SLIRP: variants seen among roughly 807,000 people sequenced by gnomAD.
SLIRP encodes the protein SRA stem-loop interacting RNA binding protein.
In SLIRP, 12 loss-of-function variants were observed where a neutral mutation model predicts 13.4. The observed-to-expected ratio is 0.89, with a 90% CI of 0.57 to 1.45. The LOEUF (loss-of-function observed/expected upper bound fraction) is 1.45, where lower values mean the gene tolerates loss of function less well. SLIRP is among the 40% of genes most tolerant of loss of function. SLIRP has a pLI of 0.00. For synonymous variants in SLIRP, 55 were observed against 47.1 expected, an observed-to-expected ratio of 1.17 and a Z score of -0.69; for missense variants, 154 against 132.2, an observed-to-expected ratio of 1.17 and a Z score of -0.81.
intron 1 of SLIRP, among the ~76,000 whole-genome samples, chr14:77,709,497 A>G (rs1490189159): frequency 1.3e-5 from 2 of 152,242 alleles, no homozygotes; most frequent in Non-Finnish European, 2.9e-5. Flanking sequence ...TTGCGGATGC[A>G]AGTTTCCAGA....
chr14:77,711,480 A>G (rs889716719), intron 2 of SLIRP, among the ~76,000 whole-genome samples: 5 of 151,958 alleles, frequency 3.3e-5, no homozygotes, highest in African/African-American at 1.2e-4. Context: ...ATGTGCCACC[A>G]TGCCCAGCTA....
intron 2 of SLIRP, among the ~76,000 whole-genome samples, chr14:77,715,176 T>A (rs1462261627): frequency 6.6e-6 from 1 of 152,056 alleles, no homozygotes; most frequent in Non-Finnish European, 1.5e-5. Context: ...TGATCAAAAT[T>A]TCCCTTAGCT....
At chr14:77,710,744 T>A (rs547968637) in intron 1 of SLIRP, 94 bp from the exon 2 acceptor site, 1 of 1,583,126 alleles carries the variant, frequency 6.3e-7, no homozygotes. Flanking sequence ...GTAGTTCCTG[T>A]CCACAAGAAA....
intron 2 of SLIRP, chr14:77,711,947 A>G (rs1273776226): frequency 6.6e-6 from 1 of 152,562 alleles, no homozygotes; most frequent in Non-Finnish European, 1.5e-5. Flanking sequence ...GGCCTCCCAA[A>G]GTGCTGGGAT....
At chr14:77,710,999 T>G (rs2080435962) in intron 2 of SLIRP, 103 bp downstream of exon 2, 1 of 936,658 alleles carries the variant, frequency 1.1e-6, no homozygotes, top group African/African-American at 1.6e-5. Flanking sequence ...GTGACTATGG[T>G]CAATAATAAT....
At position 77,708,152 on chromosome 14, in the gene SLIRP, G is replaced by T. The variant is rs1289868359; in HGVS notation, c.41G>T (p.Arg14Ile). 1 of 1,614,122 alleles carries T rather than the reference G, an allele frequency of 6.2e-7. No homozygotes were observed. Among genetic ancestry groups the T allele is most frequent in the Non-Finnish European group, 8.5e-7 (1 of 1,179,958 alleles). The part of the protein sequence containing the change: ...SAARGAAALR[R>I]SINQPVAFVR... ...GCGAGAGGTGCTGCGGCGCTGCGTAGAAGTATCAATCAGCCGGTTGCTTTT... is the reference window on the plus strand; with the variant it reads ...GCGAGAGGTGCTGCGGCGCTGCGTATAAGTATCAATCAGCCGGTTGCTTTT... Residue 14 changes from arginine (R) to isoleucine (I), a missense_variant, in exon 1 of 4, where the codon AGA becomes ATA. Transcript: ENST00000557342.
chr14:77,716,208 C>T (rs548372250), intron 3 of SLIRP: 12 of 171,624 alleles, frequency 7.0e-5, no homozygotes, highest in East Asian at 6.7e-4. Context: ...CCCAGCTACT[C>T]GGGAGGCTGA....
chr14:77,708,125 C>G lies in SLIRP; in HGVS notation c.14C>G (p.Ala5Gly), dbSNP rs769820267. The change falls in exon 1 of 4, where the codon GCA (alanine) becomes GGA (glycine). Residue 5 changes from alanine (A) to glycine (G), a missense_variant. Physicochemically the swap from Ala to Gly is moderately conservative, Grantham distance 60. Transcript: ENST00000557342. ...TTTAGTCTGAAGATGGCGGCCTCAG[C>G]AGCGAGAGGTGCTGCGGCGCTGCGT... is the stretch of plus-strand genomic sequence containing the variant. MAAS[A>G]ARGAAALRRS... 1.9e-6 allele frequency: 3 copies of G among 1,614,124 alleles called. No homozygotes were observed. In the East Asian group the frequency reaches 6.7e-5, roughly 36 times the overall value.
At position 77,715,862 on chromosome 14, in the gene SLIRP, A is replaced by G. The variant is rs201457803; in HGVS notation, c.247A>G (p.Ile83Val). The change falls in exon 3 of 4, where the codon ATT (isoleucine) becomes GTT (valine). Residue 83 changes from isoleucine to valine, a missense_variant. By Grantham distance (29) the Ile-to-Val change is conservative. Coordinates refer to ENST00000557342, the MANE Select transcript of SLIRP (RefSeq NM_031210.6). ...LRNALQQENH[I>V]IDGVKVQVHT... Reference sequence around the variant, plus strand: ...GAATGCACTACAACAGGAAAATCATATTATAGATGGAGTAAAGGTAAATTT... The same window carrying G: ...GAATGCACTACAACAGGAAAATCATGTTATAGATGGAGTAAAGGTAAATTT... The G allele has an allele frequency of 6.2e-7, 1 of 1,613,396 alleles. No homozygotes were observed. The highest frequency in any genetic ancestry group is 2.2e-5 in the East Asian group (1 of 44,860).
chr14:77,712,506 G>A (rs1303528575), intron 2 of SLIRP, among the ~76,000 whole-genome samples: 2 of 144,082 alleles, frequency 1.4e-5, no homozygotes, highest in Non-Finnish European at 3.0e-5. Context: ...GTGCAGTGGC[G>A]CGATCTCGGC....
intron 3 of SLIRP, among the ~76,000 whole-genome samples, chr14:77,716,886 C>T (rs1289150268): frequency 5.3e-5 from 8 of 151,962 alleles, no homozygotes; most frequent in Non-Finnish European, 1.0e-4. Flanking sequence ...CTCAACCTCC[C>T]GAGTAGCTGG....
intron 3 of SLIRP, 83 bp from the exon 4 acceptor site, chr14:77,717,413 C>A: frequency 8.7e-7 from 1 of 1,145,084 alleles, no homozygotes; most frequent in Non-Finnish European, 1.3e-6. Context: ...ATTATTCATA[C>A]TGACTCCCTA....
intron 2 of SLIRP, among the ~76,000 whole-genome samples, chr14:77,712,746 A>G (rs905289842): frequency 2.6e-5 from 4 of 152,090 alleles, no homozygotes. Context: ...ATGCCCGGCC[A>G]TAATTCATCT....
At chr14:77,715,187 A>T (rs1284049291) in intron 2 of SLIRP, among the ~76,000 whole-genome samples, 1 of 152,066 alleles carries the variant, frequency 6.6e-6, no homozygotes, top group Non-Finnish European at 1.5e-5. Flanking sequence ...TCCCTTAGCT[A>T]TTACTGTTAG....
Position 77,708,143 on chromosome 14 carries a change from C to A in SLIRP, c.32C>A (p.Ala11Glu). 6.2e-7 allele frequency: 1 copy of A among 1,614,006 alleles called. No individual in the cohort carries two copies. The highest frequency in any genetic ancestry group is 8.5e-7 in the Non-Finnish European group (1 of 1,179,910). ...GCCTCAGCAGCGAGAGGTGCTGCGG[C>A]GCTGCGTAGAAGTATCAATCAGCCG... MAASAARGAA[A>E]LRRSINQPVA... The change falls in exon 1 of 4, where the codon GCG (alanine) becomes GAG (glutamate). Residue 11 changes from alanine (A) to glutamate (E), a missense_variant. Coordinates refer to ENST00000557342, the MANE Select transcript of SLIRP (RefSeq NM_031210.6).
chr14:77,712,211 C>T (rs2080445658), intron 2 of SLIRP, among the ~76,000 whole-genome samples: 1 of 151,812 alleles, frequency 6.6e-6, no homozygotes, highest in African/African-American at 2.4e-5. Context: ...TGGTGTGTCT[C>T]ATCAAAGGGT....
chr14:77,708,234 T>C, intron 1 of SLIRP, 26 bp downstream of exon 1: 3 of 1,610,838 alleles, frequency 1.9e-6, no homozygotes, highest in Non-Finnish European at 2.5e-6. Flanking sequence ...GTGGGAGTAG[T>C]GGAATTTTTA....
intron 1 of SLIRP, among the ~76,000 whole-genome samples, chr14:77,708,541 G>A (rs2080414356): frequency 1.3e-5 from 2 of 152,204 alleles, no homozygotes; most frequent in Non-Finnish European, 2.9e-5. Flanking sequence ...GCGTGCAGAG[G>A]AGCTAAAAGG....
rs191416517 is a variant in SLIRP, at chr14:77,708,657, G to C, written c.97+449G>C. On this transcript the variant is annotated intron_variant, in intron 1 of 3. Coordinates refer to ENST00000557342, the MANE Select transcript of SLIRP (RefSeq NM_031210.6). ...TTAAAAGCAAATTAGATGCCGTTTCGTGATGGCTTAAGTGGGAGAAGTGTA... is the reference window on the plus strand; with the variant it reads ...TTAAAAGCAAATTAGATGCCGTTTCCTGATGGCTTAAGTGGGAGAAGTGTA... Among the ~76,000 whole-genome samples, 18 of 152,304 alleles carry C rather than the reference G, an allele frequency of 1.2e-4. No homozygotes were observed. The East Asian group carries it at 2.7e-3, about 23-fold the overall frequency.
Sources: allele counts gnomAD v4.1 joint callset (sites outside exome capture counted in the v4.1 genomes callset), GRCh38; gene constraint gnomAD v4.1.1; transcripts MANE v1.5; gene names NCBI Gene and HGNC (gene_info 2026-07-23, HGNC 2026-07-21).